Variants in ADH1B observed in about 807,000 individuals in gnomAD.
ADH1B encodes all-trans-retinol dehydrogenase [NAD(+)] ADH1B.
ADH1B carries 29 observed loss-of-function variants against 34.6 expected under a neutral mutation model. The ratio of observed to expected loss-of-function variants is 0.84; its 90% CI spans 0.62 to 1.14. The LOEUF is 1.14. Ranked by LOEUF, ADH1B falls within the 50% of genes most tolerant of loss-of-function variation. ADH1B has a pLI of 0.00. For missense variants in ADH1B, 424 were observed against 468.4 expected (o/e 0.91, Z 0.87); for synonymous variants, 170 against 175.5 (o/e 0.97, Z 0.25).
chr4:99,314,122 T>A, intron 5 of ADH1B, 41 bp from the exon 6 acceptor site: 1 of 1,604,752 alleles, frequency 6.2e-7, no homozygotes, highest in Non-Finnish European at 8.5e-7. Flanking sequence ...AAGTGATGAT[T>A]GTTAGAAAGT....
Position 99,316,303 on chromosome 4 carries a change from C to G in ADH1B, c.260-1G>C. 1 of 1,612,768 alleles carries G rather than the reference C, an allele frequency of 6.2e-7. No individual in the cohort carries two copies. The highest frequency in any genetic ancestry group is 8.5e-7 in the Non-Finnish European group (1 of 1,179,552). The stretch of plus-strand genomic sequence containing the variant: ...GTAAAGAGCGGGATGACTTTATCAC[C>G]TGGAGAGGAATAAAACAAGTTCTTC... On this transcript the variant is annotated splice_acceptor_variant, in intron 3 of 8. Coordinates refer to ENST00000305046, the MANE Select transcript of ADH1B (RefSeq NM_000668.6). LOFTEE classifies it high-confidence loss of function.
rs918178900 is a variant in ADH1B at position 99,307,732 on chromosome 4, G to T, written c.*108C>A. 3 of 1,321,200 alleles carry T rather than the reference G, an allele frequency of 2.3e-6. No individual in the cohort carries two copies. The highest frequency in any genetic ancestry group is 1.3e-5 in the South Asian group (1 of 78,262). 81.8% of individuals were successfully genotyped at this position (1,321,200 alleles called of 1,614,324 possible). A position where few individuals can be genotyped will look rare whatever the true frequency, so the allele number is the denominator to read the frequency against. On this transcript the variant is annotated 3_prime_UTR_variant, in exon 9 of 9. Transcript: ENST00000305046. ...GGAAAGCCCCCATGTGTAATTTATT[G>T]ATAACATCTCTGAAGAGCTGAATTA...
intron 5 of ADH1B, chr4:99,315,067 T>C (rs1412997559): frequency 1.3e-5 from 2 of 152,244 alleles, no homozygotes; most frequent in Non-Finnish European, 2.9e-5. Flanking sequence ...GACTTGTGAC[T>C]GTGATTTAAA....
At chr4:99,309,499 G>A (rs1475404972) in intron 8 of ADH1B, among the ~76,000 whole-genome samples, 1 of 151,892 alleles carries the variant, frequency 6.6e-6, no homozygotes, top group South Asian at 2.1e-4. Context: ...TTCTTATGTT[G>A]CTCAACACTG....
chr4:99,315,803 A>G, intron 5 of ADH1B, 95 bp downstream of exon 5: 18 of 1,510,702 alleles, frequency 1.2e-5, no homozygotes, highest in Non-Finnish European at 1.6e-5. Flanking sequence ...CTTTAAATCT[A>G]CAAAAATAAT....
chr4:99,311,051 A>G (rs1375223826), intron 7 of ADH1B, 148 bp from the exon 8 acceptor site: 1 of 960,854 alleles, frequency 1.0e-6, no homozygotes, highest in Non-Finnish European at 1.6e-6. Context: ...GTACTTCAAT[A>G]TGCTTTTACA....
chr4:99,311,699 A>G lies in ADH1B; in HGVS notation c.829-43T>C, dbSNP rs28914777. 1.5e-3 allele frequency: 2,386 copies of G among 1,608,146 alleles called. 33 individuals carry two copies. The African/African-American group carries it at 0.028, about 19-fold the overall frequency. On this transcript the variant is annotated intron_variant, in intron 6 of 8. Coordinates refer to ENST00000305046, the MANE Select transcript of ADH1B (RefSeq NM_000668.6). The stretch of plus-strand genomic sequence containing the variant: ...TTTAGCATCCTTAACGTGGAGTCGC[A>G]TAGTTCCTACTCATAATGCACAATA...
chr4:99,317,961 G>T, intron 3 of ADH1B, 85 bp downstream of exon 3: 1 of 1,570,512 alleles, frequency 6.4e-7, no homozygotes, highest in African/African-American at 1.4e-5. Context: ...AAGCACTTTC[G>T]TCTCTCATTG....
In ADH1B at chr4:99,319,207, C is replaced by T. The variant is rs1297615574; in HGVS notation, c.19-321G>A. Reference sequence around the variant, plus strand: ...ATGCCGTCCTGAAAATGCTCGTCTACCCACAACTATTAGCTGATATATGAA... The same window carrying T: ...ATGCCGTCCTGAAAATGCTCGTCTATCCACAACTATTAGCTGATATATGAA... On this transcript the variant is annotated intron_variant, in intron 1 of 8. Transcript: ENST00000305046. 11 of 408,182 alleles carry T rather than the reference C, an allele frequency of 2.7e-5. No homozygotes were observed. In the Admixed American group the frequency reaches 3.3e-4, roughly 12 times the overall value. 25.3% of individuals were successfully genotyped at this position (408,182 alleles called of 1,614,324 possible). A position where few individuals can be genotyped will look rare whatever the true frequency, so the allele number is the denominator to read the frequency against.
intron 2 of ADH1B, 137 bp from the exon 3 acceptor site, chr4:99,318,321 A>G: frequency 8.5e-7 from 1 of 1,172,016 alleles, no homozygotes; most frequent in Non-Finnish European, 1.2e-6. Flanking sequence ...CCTAAATATG[A>G]AAGATTCAGT....
Position 99,318,842 on chromosome 4 carries a change from G to A in ADH1B, c.63C>T (p.Pro21=), listed in dbSNP as rs906020550. 1.2e-6 allele frequency: 2 copies of A among 1,613,798 alleles called. No homozygotes were observed. The highest frequency in any genetic ancestry group is 8.5e-7 in the Non-Finnish European group (1 of 1,179,916). ...KAAVLWEVKK[P]FSIEDVEVAP... ...CAACCTCCACATCCTCAATGGAAAAGGGTTTCTTTACCTCCCATAGCACAG... is the reference window on the plus strand; with the variant it reads ...CAACCTCCACATCCTCAATGGAAAAAGGTTTCTTTACCTCCCATAGCACAG... Residue 21 remains proline (P), a synonymous_variant, in exon 2 of 9, where the codon CCC becomes CCT. Coordinates refer to ENST00000305046, the MANE Select transcript of ADH1B (RefSeq NM_000668.6).
intron 8 of ADH1B, 65 bp downstream of exon 8, chr4:99,310,700 T>TTC (rs1417379466): frequency 1.4e-5 from 22 of 1,547,654 alleles, no homozygotes; most frequent in Non-Finnish European, 4.3e-6. Flanking sequence ...ACCTTTTTCA[T>TTC]TCTCTGCTAG....
In ADH1B at chr4:99,315,865, G is replaced by T. The variant is rs1241854666; in HGVS notation, c.567+33C>A. ...CCTTTTGGTTTCCGACAGTCTGCAT[G>T]TAAGCAGTTTTATCACCCATTGTCA... On this transcript the variant is annotated intron_variant, in intron 5 of 8. Coordinates refer to ENST00000305046, the MANE Select transcript of ADH1B (RefSeq NM_000668.6). The T allele has an allele frequency of 3.7e-6, 6 of 1,612,810 alleles. No homozygotes were observed. In the African/African-American group the frequency reaches 6.7e-5, roughly 18 times the overall value.
At chr4:99,314,366 A>C (rs1733827279) in intron 5 of ADH1B, 5 of 455,768 alleles carry the variant, frequency 1.1e-5, no homozygotes, top group Non-Finnish European at 1.5e-5. Context: ...GAATCTCTGC[A>C]GGTGGACTCA....
At position 99,305,373 on chromosome 4, in the gene ADH1B, C is replaced by A. The variant is rs1015659956; in HGVS notation, c.*2467G>T. The A allele has an allele frequency of 6.7e-6, 1 of 150,352 alleles. No individual in the cohort carries two copies. The highest frequency in any genetic ancestry group is 1.5e-5 in the Non-Finnish European group (1 of 67,660). The allele number at this position is 150,352 out of a possible 1,614,324, so 9.3% of individuals were successfully genotyped here. On this transcript the variant is annotated 3_prime_UTR_variant, in exon 9 of 9. Transcript: ENST00000305046. ...GAATCAAAGCAATATATTCTCACAG[C>A]CATGCACATTTTCTCCCTGTCTTCA...
rs1733566005 is a variant in ADH1B, at chr4:99,305,024, A to G, written c.*2816T>C. On this transcript the variant is annotated 3_prime_UTR_variant, in exon 9 of 9. Transcript: ENST00000305046. The stretch of plus-strand genomic sequence containing the variant: ...TTTGATCACACCAAGGCTCAGTGCC[A>G]TTTAATATGCTATTTTGCCATTTTA... 6.6e-6 allele frequency: 1 copy of G among 151,866 alleles called. No individual in the cohort carries two copies. The highest frequency in any genetic ancestry group is 2.4e-5 in the African/African-American group (1 of 41,350). The allele number at this position is 151,866 out of a possible 1,614,324, so 9.4% of individuals were successfully genotyped here. A position where few individuals can be genotyped will look rare whatever the true frequency, so the allele number is the denominator to read the frequency against.
rs1733783161 is a variant in ADH1B at position 99,312,665 on chromosome 4, C to T, written c.829-1009G>A. The stretch of plus-strand genomic sequence containing the variant: ...TAAGCCAAAGATGATGTAAGCACTG[C>T]AAGATTGGAAATAGTATTTCATATC... On this transcript the variant is annotated intron_variant, in intron 6 of 8. Coordinates refer to ENST00000305046, the MANE Select transcript of ADH1B (RefSeq NM_000668.6). Among the ~76,000 whole-genome samples, 6 of 152,262 alleles carry T rather than the reference C, an allele frequency of 3.9e-5. No homozygotes were observed. The South Asian group carries it at 1.2e-3, about 32-fold the overall frequency.
At position 99,318,100 on chromosome 4, in the gene ADH1B, C is replaced by T; in HGVS notation, c.205G>A (p.Glu69Lys). ...ACACTCTCCACGATGCCGGCTGCCT[C>T]ATGGCCTAAAATCACAGGAAGGGGG... ...VTPLPVILGH[E>K]AAGIVESVGE... The change falls in exon 3 of 9, where the codon GAG (glutamate) becomes AAG (lysine). Residue 69 changes from glutamate (E) to lysine (K), a missense_variant. Coordinates refer to ENST00000305046, the MANE Select transcript of ADH1B (RefSeq NM_000668.6). The T allele has an allele frequency of 1.2e-6, 2 of 1,614,118 alleles. No homozygotes were observed. The highest frequency in any genetic ancestry group is 2.2e-5 in the South Asian group (2 of 91,078).
chr4:99,315,756 A>G, intron 5 of ADH1B, 142 bp downstream of exon 5: 9 of 818,998 alleles, frequency 1.1e-5, no homozygotes, highest in East Asian at 2.8e-5. Flanking sequence ...ATGTGTACTC[A>G]ATTCTTTCTG....
Sources: gnomAD v4.1 joint callset for allele counts (sites outside exome capture counted in the v4.1 genomes callset) on GRCh38, gnomAD v4.1.1 for gene constraint, MANE v1.5 for transcripts, NCBI Gene and HGNC (gene_info 2026-07-23, HGNC 2026-07-21) for gene names.